Variants in KLHL29 observed in about 807,000 individuals in gnomAD.
KLHL29 encodes kelch like family member 29.
A neutral mutation model predicts 80.4 loss-of-function variants in KLHL29; 21 were observed. The ratio of observed to expected loss-of-function variants is 0.26; its 90% CI spans 0.19 to 0.38. The LOEUF is 0.38. Among genes scored for constraint, KLHL29 ranks in the 10% least tolerant of loss-of-function variants. The pLI, the probability that KLHL29 is intolerant of heterozygous loss-of-function variation, is 1.00. For missense variants in KLHL29, 867 were observed against 1,223.9 expected, an observed-to-expected ratio of 0.71 and a Z score of 4.35; for synonymous variants, 511 against 526.8, an observed-to-expected ratio of 0.97 and a Z score of 0.41.
At chr2:23,492,168 G>T (rs527634196) in intron 2 of KLHL29, among the ~76,000 whole-genome samples, 1 of 152,220 alleles carries the variant, frequency 6.6e-6, no homozygotes, top group Non-Finnish European at 1.5e-5. Context: ...TACCACCCAC[G>T]ATCACACTCT....
rs1158702694 is a variant in KLHL29, at chr2:23,597,291, T to C, written c.285+34810T>C. Among the ~76,000 whole-genome samples, 21 of 4,022 alleles carry C rather than the reference T, an allele frequency of 5.2e-3. No homozygotes were observed. In the East Asian group the frequency reaches 0.3, roughly 58 times the overall value. 2.6% of individuals were successfully genotyped at this position (4,022 alleles called of 152,430 possible). A position where few individuals can be genotyped will look rare whatever the true frequency, so the allele number is the denominator to read the frequency against. ...ATCTCGCTCTCAATCTATCTCTCTC[T>C]CTCTCATATATATATATATGTGTGT... On this transcript the variant is annotated intron_variant, in intron 3 of 13. Transcript: ENST00000486442.
At chr2:23,556,188 G>A (rs957717392) in intron 2 of KLHL29, among the ~76,000 whole-genome samples, 3 of 152,204 alleles carry the variant, frequency 2.0e-5, no homozygotes, top group Admixed American at 6.5e-5. Context: ...GCCTGAGCTG[G>A]CTTCCTAAGT....
At position 23,413,963 on chromosome 2, in the gene KLHL29, A is replaced by G. The variant is rs567683253; in HGVS notation, c.-154+28183A>G. Among the ~76,000 whole-genome samples the G allele has an allele frequency of 8.5e-5, 13 of 152,318 alleles. No individual in the cohort carries two copies. The South Asian group carries it at 2.7e-3, about 32-fold the overall frequency. ...GTAATTTCACTTGGCAAATGATTGG[A>G]AAAGAGGCTGCTGTTCTCACAGACG... On this transcript the variant is annotated intron_variant, in intron 1 of 13. Coordinates refer to ENST00000486442, the MANE Select transcript of KLHL29 (RefSeq NM_052920.2).
chr2:23,452,908 C>CA (rs1553325457), intron 1 of KLHL29, among the ~76,000 whole-genome samples: 14 of 119,110 alleles, frequency 1.2e-4, no homozygotes, highest in African/African-American at 5.4e-4. Flanking sequence ...GGTCACCCCC[C>CA]CGCCCACACA....
chr2:23,440,398 A>C (rs35618754), intron 1 of KLHL29, among the ~76,000 whole-genome samples: 66,641 of 150,614 alleles, frequency 0.44, 15,522 homozygotes, highest in African/African-American at 0.6. Context: ...TAGGCATTAC[A>C]ATTCAGGACA....
In KLHL29 at chr2:23,703,967, G is replaced by A. The variant is rs966156006; in HGVS notation, c.2444+104G>A. The A allele has an allele frequency of 5.8e-5, 77 of 1,316,680 alleles. No individual in the cohort carries two copies. The African/African-American group carries it at 1.1e-3, about 19-fold the overall frequency. The allele number at this position is 1,316,680 out of a possible 1,614,324, so 81.6% of individuals were successfully genotyped here. ...CCATCAGTGACCATAGCAATTCCCA[G>A]GCCCAGAGCAGTGGCCCTCCCCCTC... On this transcript the variant is annotated intron_variant, in intron 13 of 13. Coordinates refer to ENST00000486442, the MANE Select transcript of KLHL29 (RefSeq NM_052920.2).
chr2:23,600,429 C>T (rs1055583961), intron 3 of KLHL29, among the ~76,000 whole-genome samples: 2 of 152,174 alleles, frequency 1.3e-5, no homozygotes, highest in Non-Finnish European at 2.9e-5. Flanking sequence ...AAAGACTCAG[C>T]GACTGTAGCT....
chr2:23,630,203 G>A (rs963131453), intron 3 of KLHL29, among the ~76,000 whole-genome samples: 1 of 152,262 alleles, frequency 6.6e-6, no homozygotes, highest in Non-Finnish European at 1.5e-5. Flanking sequence ...GGCAGGGTTG[G>A]AGCAGGAGGC....
chr2:23,674,381 C>T (rs535339915), intron 5 of KLHL29, among the ~76,000 whole-genome samples: 1 of 152,304 alleles, frequency 6.6e-6, no homozygotes, highest in South Asian at 2.1e-4. Context: ...GGGCCCCAGC[C>T]TCATTCAGCG....
chr2:23,408,023 C>G (rs933101282), intron 1 of KLHL29, among the ~76,000 whole-genome samples: 1 of 152,038 alleles, frequency 6.6e-6, no homozygotes, highest in Non-Finnish European at 1.5e-5. Flanking sequence ...GATTCTCCTG[C>G]CTCGGCCTCC....
chr2:23,669,255 G>T lies in KLHL29; in HGVS notation c.941-15144G>T, dbSNP rs1670640876. On this transcript the variant is annotated intron_variant, in intron 5 of 13. Transcript: ENST00000486442. The surrounding 1 kb of genome is among the most constrained non-coding windows in gnomAD (Gnocchi z 4.3). ...CAGTGCTGGGAGTCCCTGTCCATGA[G>T]CCACCCCTGGTCCAGAGAGAAGTAA... is the stretch of plus-strand genomic sequence containing the variant. 1 of 152,250 alleles carries T rather than the reference G, an allele frequency of 6.6e-6. No individual in the cohort carries two copies. The highest frequency in any genetic ancestry group is 6.5e-5 in the Admixed American group (1 of 15,282). The allele number at this position is 152,250 out of a possible 1,614,324, so 9.4% of individuals were successfully genotyped here. A position where few individuals can be genotyped will look rare whatever the true frequency, so the allele number is the denominator to read the frequency against.
chr2:23,578,212 C>T (rs1667891406), intron 3 of KLHL29, among the ~76,000 whole-genome samples: 1 of 152,132 alleles, frequency 6.6e-6, no homozygotes, highest in Non-Finnish European at 1.5e-5. Flanking sequence ...CTTAGCCAAC[C>T]ACATTAATCC....
chr2:23,562,102 GCTGC>G lies in KLHL29; in HGVS notation c.-45-45_-45-42del. The stretch of plus-strand genomic sequence containing the variant: ...GGCTTCATGGATGCTGTCAGTTGTC[GCTGC>G]CTGCTCCAGTCCTAAATCACCCTTC... On this transcript the variant is annotated intron_variant, in intron 2 of 13. Transcript: ENST00000486442. This position sits in a 1 kb window ranked among gnomAD's most constrained non-coding sequence, Gnocchi z 4.5. 6.9e-7 allele frequency: 1 copy of G among 1,439,658 alleles called. No homozygotes were observed. Among genetic ancestry groups the G allele is most frequent in the East Asian group, 2.5e-5 (1 of 40,220 alleles). 89.2% of individuals were successfully genotyped at this position (1,439,658 alleles called of 1,614,324 possible).
In KLHL29 at chr2:23,706,903, C is replaced by T; in HGVS notation, c.*239C>T. The stretch of plus-strand genomic sequence containing the variant: ...ACGATCCCGCCATGGGGCTGGCTGC[C>T]TCCTGAACAGGGGCGCTCGCTCTGC... On this transcript the variant is annotated 3_prime_UTR_variant, in exon 14 of 14. Transcript: ENST00000486442. The T allele has an allele frequency of 2.2e-6, 1 of 446,114 alleles. No individual in the cohort carries two copies. Among genetic ancestry groups the T allele is most frequent in the Non-Finnish European group, 3.9e-6 (1 of 253,994 alleles). The allele number at this position is 446,114 out of a possible 1,614,324, so 27.6% of individuals were successfully genotyped here.
intron 3 of KLHL29, among the ~76,000 whole-genome samples, chr2:23,598,495 C>T (rs1401020387): frequency 1.3e-5 from 2 of 152,234 alleles, no homozygotes. Context: ...CTGTTCCCTG[C>T]CAATCACGTT....
At chr2:23,591,307 A>G (rs528117347) in intron 3 of KLHL29, among the ~76,000 whole-genome samples, 5 of 152,292 alleles carry the variant, frequency 3.3e-5, no homozygotes, top group African/African-American at 4.8e-5. Flanking sequence ...GGACAAGGAA[A>G]GAGCCAGGAC....
chr2:23,562,221 G>C lies in KLHL29; in HGVS notation c.25G>C (p.Glu9Gln). 6.4e-7 allele frequency: 1 copy of C among 1,550,706 alleles called. No individual in the cohort carries two copies. Among genetic ancestry groups the C allele is most frequent in the Admixed American group, 2.0e-5 (1 of 50,994 alleles). MSRHHSRF[E>Q]RDYRVGWDRR... ...GATGTCCCGGCACCATAGCCGCTTC[G>C]AAAGAGATTACCGGGTGGGCTGGGA... The change falls in exon 3 of 14, where the codon GAA becomes CAA. Residue 9 changes from glutamate (E) to glutamine (Q), a missense_variant. Transcript: ENST00000486442. This position sits in a 1 kb window ranked among gnomAD's most constrained non-coding sequence, Gnocchi z 4.5.
rs553460547 is a variant in KLHL29, at chr2:23,642,208, C to T, written c.428-130C>T. ...GCTGCCATGATCACAGATTCCTAAT[C>T]GGTCAGTTCCTGGACGCAGGTGTCT... On this transcript the variant is annotated intron_variant, in intron 4 of 13. Coordinates refer to ENST00000486442, the MANE Select transcript of KLHL29 (RefSeq NM_052920.2). 4.6e-4 allele frequency: 368 copies of T among 805,212 alleles called. 1 individual carries two copies. In the African/African-American group the frequency reaches 5.5e-3, roughly 12 times the overall value. 49.9% of individuals were successfully genotyped at this position (805,212 alleles called of 1,614,324 possible).
intron 3 of KLHL29, among the ~76,000 whole-genome samples, chr2:23,590,048 G>A (rs540917277): frequency 6.6e-6 from 1 of 152,374 alleles, no homozygotes; most frequent in African/African-American, 2.4e-5. Flanking sequence ...CAGCTGTGCT[G>A]GAAGGCCCAG....
Sources: gnomAD v4.1 joint callset for allele counts (sites outside exome capture counted in the v4.1 genomes callset) on GRCh38, gnomAD v4.1.1 for gene constraint, Gnocchi (gnomAD v3.1) non-coding constraint, MANE v1.5 for transcripts, NCBI Gene and HGNC (gene_info 2026-07-23, HGNC 2026-07-21) for gene names.